The following TENM1 variants were observed in gnomAD, a reference collection of about 807,000 sequenced individuals.
TENM1 encodes the protein teneurin-1.
Under a neutral mutation model 174.8 loss-of-function variants are expected in TENM1, and 35 were observed. The observed-to-expected ratio is 0.20, with a 90% CI of 0.15 to 0.27. The LOEUF (loss-of-function observed/expected upper bound fraction) is 0.27, where lower values mean the gene tolerates loss of function less well. TENM1 is among the 10% of genes least tolerant of loss of function. The probability of loss-of-function intolerance (pLI) is 1.00; values close to 1 mark genes in which losing one functional copy is unlikely to be tolerated. For missense variants in TENM1, 1,633 were observed against 2,130.1 expected (o/e 0.77, Z 4.59); for synonymous variants, 781 against 798.7 (o/e 0.98, Z 0.37).
the TENM1 span, among the ~76,000 whole-genome samples, chrX:125,077,166 C>T: frequency 9.0e-6 from 1 of 111,260 alleles, no homozygotes. Context: ...GGAAGTTTTC[C>T]ATAATTTTCA....
At chrX:124,601,700 C>A (rs762088148) in intron 11 of TENM1, among the ~76,000 whole-genome samples, 1 of 110,229 alleles carries the variant, frequency 9.1e-6, no homozygotes, top group South Asian at 3.9e-4. Flanking sequence ...CTACCCAAAC[C>A]GTATGATTTT....
intron 3 of TENM1, among the ~76,000 whole-genome samples, chrX:124,849,551 A>C (rs1356830668): frequency 3.9e-5 from 4 of 102,024 alleles, no homozygotes; most frequent in Non-Finnish European, 3.8e-5. Flanking sequence ...CCTGGCTGAC[A>C]GCCAACAAGA....
the TENM1 span, among the ~76,000 whole-genome samples, chrX:125,135,961 T>C: frequency 2.7e-5 from 3 of 111,032 alleles, no homozygotes; most frequent in African/African-American, 6.5e-5. Flanking sequence ...GCTAGGTAAA[T>C]AGACATGAGT....
intron 11 of TENM1, among the ~76,000 whole-genome samples, chrX:124,605,824 A>G (rs1243893747): frequency 1.8e-5 from 2 of 111,805 alleles, no homozygotes; most frequent in Non-Finnish European, 3.8e-5. Flanking sequence ...ATTAGCATAC[A>G]TATTTTTGTC....
intron 15 of TENM1, among the ~76,000 whole-genome samples, chrX:124,544,519 G>A (rs1270076966): frequency 8.9e-6 from 1 of 112,376 alleles, no homozygotes; most frequent in Non-Finnish European, 1.9e-5. Context: ...CAATTTACAT[G>A]TATCAAAAGG....
intron 18 of TENM1, among the ~76,000 whole-genome samples, chrX:124,510,531 T>C (rs186314028): frequency 1.8e-5 from 2 of 111,861 alleles, no homozygotes; most frequent in African/African-American, 6.5e-5. Flanking sequence ...TGATAAATTA[T>C]GTGGTCACTC....
chrX:124,764,607 T>A (rs1202707653), intron 3 of TENM1, among the ~76,000 whole-genome samples: 1 of 110,068 alleles, frequency 9.1e-6, no homozygotes, highest in Non-Finnish European at 1.9e-5. Context: ...GTGACAAATG[T>A]GTTCCAGTTT....
chrX:125,033,643 CTATGGAACATTTTACCGTTTTGA>C, the TENM1 span, among the ~76,000 whole-genome samples: 1 of 110,703 alleles, frequency 9.0e-6, no homozygotes. Context: ...CATGAGTTTG[CTATGGAACATTTTACCGTTTTGA>C]TATGGAACAT....
chrX:124,472,004 A>G (rs1413609679), intron 22 of TENM1, among the ~76,000 whole-genome samples: 1 of 107,643 alleles, frequency 9.3e-6, no homozygotes, highest in Non-Finnish European at 1.9e-5. Context: ...AATCTTAAAA[A>G]ACAATAATAA....
intron 6 of TENM1, among the ~76,000 whole-genome samples, chrX:124,661,758 T>C (rs2051607770): frequency 9.0e-6 from 1 of 111,611 alleles, no homozygotes; most frequent in Admixed American, 9.5e-5. Flanking sequence ...GAACTACCCA[T>C]GACATAGTTG....
intron 1 of TENM1, among the ~76,000 whole-genome samples, chrX:124,941,446 T>C (rs73547675): frequency 0.09 from 10,058 of 111,480 alleles, 1,106 homozygotes; most frequent in African/African-American, 0.31. Flanking sequence ...TTTAGTGTGC[T>C]ACATGATTTT....
chrX:124,822,263 A>G (rs1384823011), intron 3 of TENM1, among the ~76,000 whole-genome samples: 7 of 112,365 alleles, frequency 6.2e-5, no homozygotes, highest in Non-Finnish European at 1.3e-4. Flanking sequence ...TGAAGAGATG[A>G]ATCCTGGTCC....
At chrX:125,178,801 G>A in the TENM1 span, among the ~76,000 whole-genome samples, 11 of 110,734 alleles carry the variant, frequency 9.9e-5, no homozygotes, top group Non-Finnish European at 1.9e-5. Context: ...GGACTGACAG[G>A]AAATATGCAC....
At chrX:124,907,700 G>A (rs1011519356) in intron 1 of TENM1, among the ~76,000 whole-genome samples, 4 of 111,756 alleles carry the variant, frequency 3.6e-5, no homozygotes, top group Admixed American at 9.5e-5. Context: ...TGTACCCTTT[G>A]TTTACCATTA....
chrX:125,032,333 C>A, the TENM1 span, among the ~76,000 whole-genome samples: 1 of 110,236 alleles, frequency 9.1e-6, no homozygotes, highest in South Asian at 4.0e-4. Context: ...CCACACCCGG[C>A]TAATTTTTGT....
intron 4 of TENM1, among the ~76,000 whole-genome samples, chrX:124,728,955 A>G (rs2053503070): frequency 8.9e-6 from 1 of 112,467 alleles, no homozygotes; most frequent in South Asian, 3.7e-4. Flanking sequence ...AAGTTGATTC[A>G]TAAGGGCTTA....
At chrX:124,546,531 C>G (rs1481938478) in intron 15 of TENM1, among the ~76,000 whole-genome samples, 1 of 111,565 alleles carries the variant, frequency 9.0e-6, no homozygotes, top group African/African-American at 3.3e-5. Context: ...TGAAATAAAA[C>G]TTAAAATTTA....
chrX:125,072,129 A>T, the TENM1 span, among the ~76,000 whole-genome samples: 1 of 110,872 alleles, frequency 9.0e-6, no homozygotes, highest in South Asian at 3.8e-4. Context: ...TTTTTCTTCT[A>T]CAAAAAACTA....
chrX:124,481,006 C>T (rs1386175662), intron 22 of TENM1, among the ~76,000 whole-genome samples: 1 of 111,395 alleles, frequency 9.0e-6, no homozygotes, highest in East Asian at 2.8e-4. Context: ...TTGGGAGACA[C>T]AGATTTGTTC....
Sources: allele counts gnomAD v4.1 joint callset (sites outside exome capture counted in the v4.1 genomes callset), GRCh38; gene constraint gnomAD v4.1.1; transcripts MANE v1.5; gene names NCBI Gene and HGNC (gene_info 2026-07-23, HGNC 2026-07-21).